SPECC1L: variants seen among roughly 807,000 people sequenced by gnomAD.
SPECC1L encodes the protein sperm antigen with calponin homology and coiled-coil domains 1 like, also known as cytospin-A.
SPECC1L carries 40 observed loss-of-function variants against 116.8 expected under a neutral mutation model. That is an observed-to-expected ratio of 0.34 (90% CI 0.27 to 0.45). The LOEUF (loss-of-function observed/expected upper bound fraction) is 0.45, where lower values mean the gene tolerates loss of function less well. Ranked by LOEUF, SPECC1L falls within the 20% of genes least tolerant of loss-of-function variation. SPECC1L has a pLI of 1.00. For missense variants in SPECC1L, 1,110 were observed against 1,373.6 expected (o/e 0.81, Z 3.03); for synonymous variants, 504 against 500.6 (o/e 1.01, Z -0.09).
Position 24,411,785 on chromosome 22 carries a change from A to C in SPECC1L, c.3204+81A>C, listed in dbSNP as rs1569451689. On this transcript the variant is annotated intron_variant, in intron 15 of 16. Transcript: ENST00000314328. ...AACCAAGGGCAGCACCTGCCTCAGC[A>C]GGTCACATGCCACAGCGCTGGCTTG... is the stretch of plus-strand genomic sequence containing the variant. The C allele has an allele frequency of 1.6e-5, 18 of 1,152,022 alleles. No homozygotes were observed. In the South Asian group the frequency reaches 2.0e-4, roughly 13 times the overall value. 71.4% of individuals were successfully genotyped at this position (1,152,022 alleles called of 1,614,324 possible).
intron 2 of SPECC1L, among the ~76,000 whole-genome samples, chr22:24,277,244 C>T (rs1367066084): frequency 6.6e-6 from 1 of 152,154 alleles, no homozygotes; most frequent in Admixed American, 6.6e-5. Context: ...CTTCTTCTAC[C>T]TCAACACTTA....
chr22:24,343,665 T>C, intron 10 of SPECC1L: 1 of 218,762 alleles, frequency 4.6e-6, no homozygotes, highest in Non-Finnish European at 9.6e-6. Context: ...TTCTCCATGT[T>C]GCCCAGGCTT....
chr22:24,326,387 C>A (rs2040822206), intron 6 of SPECC1L, among the ~76,000 whole-genome samples: 1 of 152,190 alleles, frequency 6.6e-6, no homozygotes, highest in African/African-American at 2.4e-5. Context: ...TGTGAGGTCG[C>A]AAGGAACCAA....
chr22:24,327,277 C>CAAAAAAAAAA (rs58725731), intron 6 of SPECC1L, among the ~76,000 whole-genome samples: 2 of 41,970 alleles, frequency 4.8e-5, no homozygotes, highest in African/African-American at 7.5e-5. Flanking sequence ...GACTCCGTCT[C>CAAAAAAAAAA]AAAAAAAAAA....
intron 11 of SPECC1L, among the ~76,000 whole-genome samples, chr22:24,357,236 AG>A (rs1024072414): frequency 6.6e-6 from 1 of 152,032 alleles, no homozygotes; most frequent in Non-Finnish European, 1.5e-5. Context: ...CATGTTTTCA[AG>A]GTTCATCCAT....
chr22:24,396,110 A>G (rs932106017), intron 14 of SPECC1L, among the ~76,000 whole-genome samples: 1 of 152,222 alleles, frequency 6.6e-6, no homozygotes, highest in Non-Finnish European at 1.5e-5. Context: ...CAGCGGATGC[A>G]TCTTTGCAAT....
At chr22:24,307,167 C>T (rs563637562) in intron 3 of SPECC1L, among the ~76,000 whole-genome samples, 1 of 152,260 alleles carries the variant, frequency 6.6e-6, no homozygotes, top group African/African-American at 2.4e-5. Flanking sequence ...GGGGTATATA[C>T]CCGTAGGTGG....
intron 6 of SPECC1L, among the ~76,000 whole-genome samples, chr22:24,324,940 C>T (rs193111494): frequency 3.3e-5 from 5 of 152,116 alleles, no homozygotes; most frequent in Middle Eastern, 3.4e-3. Flanking sequence ...ATAACCAGAG[C>T]GAGAATGGAT....
chr22:24,354,721 GTGTGATCTCGGCTCGCTGCAAC>G (rs1208485904), intron 11 of SPECC1L, among the ~76,000 whole-genome samples: 1 of 151,402 alleles, frequency 6.6e-6, no homozygotes, highest in African/African-American at 2.4e-5. Context: ...GAGTGCAACG[GTGTGATCTCGGCTCGCTGCAAC>G]CTGCGCCCCC....
rs5760404 is a variant in SPECC1L at position 24,413,849 on chromosome 22, C to T, written c.3265-685C>T. Among the ~76,000 whole-genome samples the T allele has an allele frequency of 7.4e-3, 1,124 of 152,220 alleles. 70 individuals are homozygous for T. In the South Asian group the frequency reaches 0.12, roughly 16 times the overall value. On this transcript the variant is annotated intron_variant, in intron 16 of 16. Coordinates refer to ENST00000314328, the MANE Select transcript of SPECC1L (RefSeq NM_015330.6). ...CGTGCTCAGCCACACGTCCTGTGCTCGTCACCCATGGGAAGGGAAGGATCT... is the reference window on the plus strand; with the variant it reads ...CGTGCTCAGCCACACGTCCTGTGCTTGTCACCCATGGGAAGGGAAGGATCT...
intron 5 of SPECC1L, among the ~76,000 whole-genome samples, chr22:24,323,986 A>G (rs1261049741): frequency 2.0e-5 from 3 of 152,236 alleles, no homozygotes; most frequent in Admixed American, 6.5e-5. Context: ...GTTAAGTTCA[A>G]TGATACATCA....
chr22:24,290,107 A>C (rs2032853024), intron 2 of SPECC1L, among the ~76,000 whole-genome samples: 1 of 152,034 alleles, frequency 6.6e-6, no homozygotes, highest in Non-Finnish European at 1.5e-5. Context: ...ATCTTGATTA[A>C]AGTGGCCACT....
intron 8 of SPECC1L, 46 bp downstream of exon 8, chr22:24,330,477 C>CTCT: frequency 6.3e-7 from 1 of 1,595,964 alleles, no homozygotes; most frequent in Non-Finnish European, 8.6e-7. Context: ...CAGTAGAGAA[C>CTCT]ACTTAAATCC....
intron 14 of SPECC1L, among the ~76,000 whole-genome samples, chr22:24,406,875 T>TA (rs1434283878): frequency 3.3e-5 from 5 of 152,192 alleles, no homozygotes; most frequent in Non-Finnish European, 7.4e-5. Flanking sequence ...CATTAGCAGT[T>TA]AGAGTTTTCA....
At chr22:24,359,293 C>T (rs2041596537) in intron 11 of SPECC1L, among the ~76,000 whole-genome samples, 1 of 152,164 alleles carries the variant, frequency 6.6e-6, no homozygotes, top group Non-Finnish European at 1.5e-5. Flanking sequence ...GAGTGCACTC[C>T]CACGCCATCA....
intron 16 of SPECC1L, 90 bp from the exon 17 acceptor site, chr22:24,414,444 C>T: frequency 3.7e-6 from 4 of 1,067,760 alleles, no homozygotes; most frequent in Non-Finnish European, 5.7e-6. Context: ...CCCCATCCAA[C>T]TCCAAGAGCC....
intron 15 of SPECC1L, 68 bp from the exon 16 acceptor site, chr22:24,412,580 G>T (rs1198940029): frequency 6.8e-7 from 1 of 1,468,710 alleles, no homozygotes; most frequent in Non-Finnish European, 9.5e-7. Context: ...GTCCCAGGCA[G>T]TTGTGGAGGC....
chr22:24,319,422 C>T (rs2040673697), intron 4 of SPECC1L, among the ~76,000 whole-genome samples: 1 of 152,202 alleles, frequency 6.6e-6, no homozygotes, highest in Non-Finnish European at 1.5e-5. Flanking sequence ...GATTAAATTA[C>T]CTCCCAACAG....
rs2040497718 is a variant in SPECC1L at position 24,313,369 on chromosome 22, T to C, written c.210T>C (p.Asn70=). 2 of 1,614,200 alleles carry C rather than the reference T, an allele frequency of 1.2e-6. No individual in the cohort carries two copies. Among genetic ancestry groups the C allele is most frequent in the Non-Finnish European group, 1.7e-6 (2 of 1,180,028 alleles). The change falls in exon 4 of 17, where the codon AAT becomes AAC. Residue 70 remains asparagine, a synonymous_variant. Transcript: ENST00000314328. ...TGGCCGGAGGGGTAACGGTGACTAA[T>C]GGTGTTAAAGGAAAGAAAAGCACCT... ...AGMAGGVTVT[N]GVKGKKSTCP...
Sources: allele counts gnomAD v4.1 joint callset (sites outside exome capture counted in the v4.1 genomes callset), GRCh38; gene constraint gnomAD v4.1.1; transcripts MANE v1.5; gene names NCBI Gene and HGNC (gene_info 2026-07-23, HGNC 2026-07-21).